Variants in SCN4A observed in about 807,000 individuals in gnomAD.
SCN4A encodes the protein sodium voltage-gated channel alpha subunit 4.
Under a neutral mutation model 162.0 loss-of-function variants are expected in SCN4A, and 83 were observed. The observed-to-expected ratio is 0.51, with a 90% CI of 0.43 to 0.61. SCN4A has a LOEUF of 0.61. Among genes scored for constraint, SCN4A ranks in the 20% least tolerant of loss-of-function variants. The probability of loss-of-function intolerance (pLI) is 0.00; values close to 1 mark genes in which losing one functional copy is unlikely to be tolerated. For missense variants in SCN4A, 2,196 were observed against 2,462.5 expected (o/e 0.89, Z 2.29); for synonymous variants, 944 against 985.1 (o/e 0.96, Z 0.78).
chr17:63,971,067 C>T (rs1473394657), intron 5 of SCN4A, 95 bp downstream of exon 5: 3 of 826,346 alleles, frequency 3.6e-6, no homozygotes, highest in Non-Finnish European at 6.1e-6. Flanking sequence ...AAAACACCAG[C>T]CTGGGAGTGT....
Position 63,966,207 on chromosome 17 carries a change from C to A in SCN4A, c.1137G>T (p.Gly379=), listed in dbSNP as rs558245350. Residue 379 remains glycine, a synonymous_variant, in exon 8 of 24, where the codon GGG becomes GGT. Transcript: ENST00000435607. ...CPEGYECIKT[G]RNPNYGYTSY... is the part of the protein sequence containing the mutation. ...TGGTGTAGCCATAGTTGGGGTTCCG[C>A]CCGGTCTTGATGCACTCATAACCCT... The A allele has an allele frequency of 1.2e-6, 2 of 1,603,288 alleles. No homozygotes were observed. Among genetic ancestry groups the A allele is most frequent in the Non-Finnish European group, 1.7e-6 (2 of 1,175,052 alleles).
Position 63,940,951 on chromosome 17 carries a change from G to T in SCN4A, c.5331C>A (p.Ser1777Arg). ...EKEGLLANTM[S>R]KMYGHENGNS... ...TCCCATTCTCGTGGCCATACATCTT[G>T]CTCATGGTGTTGGCAAGCAGCCCCT... The change falls in exon 24 of 24, where the codon AGC becomes AGA. Residue 1777 changes from serine to arginine, a missense_variant. Ser to Arg is a moderately radical substitution (Grantham distance 110). Coordinates refer to ENST00000435607, the MANE Select transcript of SCN4A (RefSeq NM_000334.4). The T allele has an allele frequency of 6.2e-7, 1 of 1,613,908 alleles. No individual in the cohort carries two copies. The highest frequency in any genetic ancestry group is 1.3e-5 in the African/African-American group (1 of 75,056).
intron 18 of SCN4A, 151 bp downstream of exon 18, chr17:63,946,894 G>T: frequency 2.7e-6 from 2 of 727,448 alleles, no homozygotes; most frequent in Non-Finnish European, 2.2e-6. Context: ...GGGGAGGTGG[G>T]GGCCAGACCT....
chr17:63,961,180 C>A lies in SCN4A; in HGVS notation c.1845+13G>T. ...CCTGCCCATGAATGATCCCCTCCCC[C>A]GCCCCTCCCTACCAGGTTGCCCACA... On this transcript the variant is annotated intron_variant, in intron 11 of 23. Coordinates refer to ENST00000435607, the MANE Select transcript of SCN4A (RefSeq NM_000334.4). 2 of 1,221,796 alleles carry A rather than the reference C, an allele frequency of 1.6e-6. No homozygotes were observed. The highest frequency in any genetic ancestry group is 2.4e-6 in the Non-Finnish European group (2 of 837,022). 75.7% of individuals were successfully genotyped at this position (1,221,796 alleles called of 1,614,324 possible). A position where few individuals can be genotyped will look rare whatever the true frequency, so the allele number is the denominator to read the frequency against.
chr17:63,964,361 C>T, intron 9 of SCN4A, 107 bp downstream of exon 9: 3 of 967,870 alleles, frequency 3.1e-6, no homozygotes, highest in Non-Finnish European at 3.2e-6. Context: ...AAACCCCTAC[C>T]CCTGTACCCT....
In SCN4A at chr17:63,963,718, C is replaced by T. The variant is rs373819078; in HGVS notation, c.1560G>A (p.Pro520=). ...CGCTGTCTCCGCTGCTGCTCTGCCT[C>T]GGGGCTCCCTTCTCCCCTTGCGATG... The part of the protein sequence containing the change: ...LDTSQGEKGA[P]RQSSSGDSGI... Residue 520 remains proline, a synonymous_variant, in exon 10 of 24, where the codon CCG becomes CCA. Transcript: ENST00000435607. 2.3e-5 allele frequency: 37 copies of T among 1,601,724 alleles called. No individual in the cohort carries two copies. Among genetic ancestry groups the T allele is most frequent in the Admixed American group, 3.4e-5 (2 of 59,446 alleles).
intron 11 of SCN4A, among the ~76,000 whole-genome samples, chr17:63,959,832 A>G (rs1212179039): frequency 6.6e-6 from 1 of 152,180 alleles, no homozygotes; most frequent in Admixed American, 6.5e-5. Context: ...CATTCCACAC[A>G]TGAGCAGTTG....
At chr17:63,970,495 G>A (rs887897799) in intron 5 of SCN4A, among the ~76,000 whole-genome samples, 1 of 152,108 alleles carries the variant, frequency 6.6e-6, no homozygotes, top group Non-Finnish European at 1.5e-5. Flanking sequence ...ACAGAGTCTT[G>A]TTCTTTTTCC....
intron 12 of SCN4A, among the ~76,000 whole-genome samples, chr17:63,958,815 AGTGTTG>A (rs1446634753): frequency 6.6e-6 from 1 of 152,180 alleles, no homozygotes; most frequent in Non-Finnish European, 1.5e-5. Flanking sequence ...GGCCTCCCAA[AGTGTTG>A]GGATTACAGG....
At chr17:63,961,486 C>T in intron 10 of SCN4A, 55 bp from the exon 11 acceptor site, 3 of 1,303,426 alleles carry the variant, frequency 2.3e-6, no homozygotes, top group East Asian at 2.3e-5. Flanking sequence ...CACGTGCCCC[C>T]GGCTCCAGCT....
chr17:63,949,402 A>T lies in SCN4A; in HGVS notation c.2980T>A (p.Phe994Ile). Residue 994 changes from phenylalanine (F) to isoleucine (I), a missense_variant, in exon 15 of 24, where the codon TTC becomes ATC. By Grantham distance (21) the Phe-to-Ile change is conservative. Coordinates refer to ENST00000435607, the MANE Select transcript of SCN4A (RefSeq NM_000334.4). Reference sequence around the variant, plus strand: ...TGAGGGGTGCCCTCACCCTCAGTGAAGCACTCCTCAGGCTGCTCCCCCTCG... The same window carrying T: ...TGAGGGGTGCCCTCACCCTCAGTGATGCACTCCTCAGGCTGCTCCCCCTCG... ...NPEGEQPEEC[F>I]TEACVQRWPC... 1 of 1,579,658 alleles carries T rather than the reference A, an allele frequency of 6.3e-7. No individual in the cohort carries two copies. The highest frequency in any genetic ancestry group is 1.1e-5 in the South Asian group (1 of 87,042).
At position 63,944,050 on chromosome 17, in the gene SCN4A, T is replaced by C. The variant is rs1468901791; in HGVS notation, c.3913-200A>G. ...AGAAGGGAGGGAAGGGGAGTGGGGA[T>C]CAATGCTGTCTTGCAGCCTGTTTCT... On this transcript the variant is annotated intron_variant, in intron 21 of 23. Transcript: ENST00000435607. The surrounding 1 kb of genome is among the most constrained non-coding windows in gnomAD (Gnocchi z 4.3). 6.6e-6 allele frequency among the ~76,000 whole-genome samples: 1 copy of C among 152,038 alleles called. No homozygotes were observed. The highest frequency in any genetic ancestry group is 1.9e-4 in the East Asian group (1 of 5,176).
In SCN4A at chr17:63,951,453, C is replaced by T. The variant is rs761589948; in HGVS notation, c.2824G>A (p.Asp942Asn). 9.1e-5 allele frequency: 146 copies of T among 1,605,498 alleles called. No individual in the cohort carries two copies. Among genetic ancestry groups the T allele is most frequent in the African/African-American group, 3.1e-4 (23 of 74,672 alleles). ...CTATCCTCAGGCTCTGAGAAAGTGT[C>T]GGTTTCCTCCTCGGTGGGCATCTCC... ...DLEMPTEEETDTFSEPEDSKK... is the reference protein window; with the variant it reads ...DLEMPTEEETNTFSEPEDSKK... Residue 942 changes from aspartate to asparagine, a missense_variant, in exon 14 of 24, where the codon GAC becomes AAC. Asp to Asn is a conservative substitution (Grantham distance 23). Transcript: ENST00000435607. This position sits in a 1 kb window ranked among gnomAD's most constrained non-coding sequence, Gnocchi z 4.5.
At chr17:63,964,414 G>T in intron 9 of SCN4A, 54 bp downstream of exon 9, 1 of 1,539,450 alleles carries the variant, frequency 6.5e-7, no homozygotes, top group Non-Finnish European at 9.0e-7. Flanking sequence ...TGGCAGCCCC[G>T]GCTGAGGGCA....
intron 15 of SCN4A, 54 bp from the exon 16 acceptor site, chr17:63,948,819 C>T (rs1908813849): frequency 1.3e-6 from 2 of 1,510,408 alleles, no homozygotes; most frequent in African/African-American, 1.4e-5. Flanking sequence ...CCTGGGGTTG[C>T]CTTGGGGTGC....
In SCN4A at chr17:63,971,163, T is replaced by C; in HGVS notation, c.702A>G (p.Pro234=). The C allele has an allele frequency of 6.4e-7, 1 of 1,555,090 alleles. No homozygotes were observed. The highest frequency in any genetic ancestry group is 2.4e-5 in the East Asian group (1 of 41,494). Residue 234 remains proline, a splice_region_variant and synonymous_variant, in exon 5 of 24, where the codon CCA becomes CCG. Transcript: ENST00000435607. ...AGGGTCCCTGCACCTCCCCAGTACC[T>C]GGGATGACCGTGATGGTTTTGAGGG... ...LRALKTITVI[P]GLKTIVGALI... is the part of the protein sequence containing the mutation.
rs1222366501 is a variant in SCN4A, at chr17:63,955,039, G to T, written c.2376+2123C>A. On this transcript the variant is annotated intron_variant, in intron 13 of 23. Transcript: ENST00000435607. ...TGAATACATGTGAAGCACCCAGAAT[G>T]CTGGGTAAATGCTAAATAAATGTCA... Among the ~76,000 whole-genome samples, 3 of 152,216 alleles carry T rather than the reference G, an allele frequency of 2.0e-5. 1 individual carries two copies. The highest frequency in any genetic ancestry group is 4.1e-4 in the South Asian group (2 of 4,826).
At chr17:63,967,941 A>AG in intron 6 of SCN4A, 82 bp downstream of exon 6, 1 of 1,268,878 alleles carries the variant, frequency 7.9e-7, no homozygotes, top group East Asian at 2.3e-5. Flanking sequence ...CTCAAAAAAA[A>AG]AAAAAAAGAA....
intron 6 of SCN4A, 95 bp from the exon 7 acceptor site, chr17:63,966,639 G>T (rs753823683): frequency 7.7e-6 from 7 of 903,802 alleles, no homozygotes; most frequent in Non-Finnish European, 1.3e-5. Flanking sequence ...AGGTCTGCGC[G>T]TACCACATAA....
Sources: allele counts gnomAD v4.1 joint callset (sites outside exome capture counted in the v4.1 genomes callset), GRCh38; gene constraint gnomAD v4.1.1; non-coding constraint Gnocchi (gnomAD v3.1); transcripts MANE v1.5; gene names NCBI Gene and HGNC (gene_info 2026-07-23, HGNC 2026-07-21).